The following NAGA variants were observed in gnomAD, a reference collection of about 807,000 sequenced individuals.
NAGA encodes the protein Acetylgalactosaminidase, alpha-N- (alpha-galactosidase B).
Under a neutral mutation model 45.6 loss-of-function variants are expected in NAGA, and 42 were observed. The observed-to-expected ratio is 0.92, with a 90% CI of 0.72 to 1.19. The LOEUF (loss-of-function observed/expected upper bound fraction) is 1.19. NAGA is among the 50% of genes most tolerant of loss of function. The pLI, the probability that NAGA is intolerant of heterozygous loss-of-function variation, is 0.00. For synonymous variants in NAGA, 176 were observed against 203.1 expected (o/e 0.87, Z 1.13); for missense variants, 493 against 544.8 (o/e 0.90, Z 0.95).
chr22:42,060,757 C>T (rs1926324653), intron 8 of NAGA, among the ~76,000 whole-genome samples, 167 bp downstream of exon 8: 1 of 152,200 alleles, frequency 6.6e-6, no homozygotes, highest in East Asian at 1.9e-4. Flanking sequence ...TGGTGCAGAG[C>T]ACGGCACTGG....
At position 42,059,192 on chromosome 22, in the gene NAGA, G is replaced by T. The variant is rs1208790433; in HGVS notation, c.*1087C>A. On this transcript the variant is annotated 3_prime_UTR_variant, in exon 9 of 9. Transcript: ENST00000396398. ...CTCTCTCCAAAGGGGAGAGCCACCAGGGAAGACAAGTGCCCTGTAGCCTTG... is the reference window on the plus strand; with the variant it reads ...CTCTCTCCAAAGGGGAGAGCCACCATGGAAGACAAGTGCCCTGTAGCCTTG... 2.0e-5 allele frequency: 3 copies of T among 152,240 alleles called. No individual in the cohort carries two copies. Among genetic ancestry groups the T allele is most frequent in the African/African-American group, 7.2e-5 (3 of 41,436 alleles). The allele number at this position is 152,240 out of a possible 1,614,324, so 9.4% of individuals were successfully genotyped here.
chr22:42,063,446 C>G (rs1325120238), intron 6 of NAGA, among the ~76,000 whole-genome samples: 3 of 151,950 alleles, frequency 2.0e-5, no homozygotes, highest in African/African-American at 7.3e-5. Flanking sequence ...AGATAAATAG[C>G]CAGACAACCA....
chr22:42,066,930 C>A, intron 4 of NAGA, 126 bp from the exon 5 acceptor site: 1 of 1,371,178 alleles, frequency 7.3e-7, no homozygotes, highest in Non-Finnish European at 1.0e-6. Context: ...CCCCACATAC[C>A]CAGAGCCTCA....
chr22:42,070,445 G>A lies in NAGA; in HGVS notation c.-148C>T. On this transcript the variant is annotated 5_prime_UTR_variant, in exon 1 of 9. Transcript: ENST00000396398. ...TCGGCCGCCCTCAACCTTAGGCGTG[G>A]ATCGTACACTCGGTCCCCAAGTTGC... 1 of 875,126 alleles carries A rather than the reference G, an allele frequency of 1.1e-6. No individual in the cohort carries two copies. The highest frequency in any genetic ancestry group is 2.5e-5 in the East Asian group (1 of 40,496). 54.2% of individuals were successfully genotyped at this position (875,126 alleles called of 1,614,324 possible).
At chr22:42,066,850 C>T (rs762059868) in intron 4 of NAGA, 46 bp from the exon 5 acceptor site, 59 of 1,557,158 alleles carry the variant, frequency 3.8e-5, no homozygotes, top group Non-Finnish European at 5.1e-5. Flanking sequence ...GTGCAGGAGG[C>T]AGTCTGGGGC....
chr22:42,070,271 G>GGT lies in NAGA; in HGVS notation c.16+9_16+10dup. ...CCTACCCTTCCAAGCCACCCCAGCC[G>GGT]GTGTAGGTACCTGTCTTCAGCAGCA... is the stretch of plus-strand genomic sequence containing the variant. On this transcript the variant is annotated intron_variant, in intron 1 of 8. Coordinates refer to ENST00000396398, the MANE Select transcript of NAGA (RefSeq NM_000262.3). 1 of 1,614,186 alleles carries GGT rather than the reference G, an allele frequency of 6.2e-7. No homozygotes were observed.
intron 6 of NAGA, among the ~76,000 whole-genome samples, chr22:42,064,223 C>T (rs184700139): frequency 1.1e-3 from 160 of 151,600 alleles, no homozygotes; most frequent in African/African-American, 3.8e-3. Flanking sequence ...GCCTGTAATC[C>T]CAGCTACTTG....
At chr22:42,066,238 G>C (rs928178486) in intron 5 of NAGA, among the ~76,000 whole-genome samples, 1 of 151,730 alleles carries the variant, frequency 6.6e-6, no homozygotes, top group South Asian at 2.1e-4. Flanking sequence ...AGAAACTGCT[G>C]TCTGCTTTCT....
intron 6 of NAGA, 113 bp downstream of exon 6, chr22:42,065,625 G>C: frequency 3.5e-6 from 5 of 1,412,938 alleles, no homozygotes; most frequent in Non-Finnish European, 4.9e-6. Context: ...CATTTCAGAA[G>C]CGCTGACCTA....
At chr22:42,069,267 T>A (rs954818757) in intron 1 of NAGA, among the ~76,000 whole-genome samples, 1 of 151,956 alleles carries the variant, frequency 6.6e-6, no homozygotes, top group Non-Finnish European at 1.5e-5. Context: ...ATGTCAAAAA[T>A]GTACTTAATA....
intron 1 of NAGA, among the ~76,000 whole-genome samples, chr22:42,070,023 G>C (rs1039516438): frequency 6.6e-6 from 1 of 152,258 alleles, no homozygotes; most frequent in Admixed American, 6.5e-5. Flanking sequence ...TGTAGGGACT[G>C]TACAGGCGGT....
rs1351913352 is a variant in NAGA, at chr22:42,065,759, C to T, written c.738G>A (p.Gly246=). The part of the protein sequence containing the change: ...QDILQPVAGP[G]HWNDPDMLLI... ...GTACCATGTCAGGGTCATTCCAGTG[C>T]CCAGGGCCGGCCACTGGCTGCAGTA... is the stretch of plus-strand genomic sequence containing the variant. The change falls in exon 6 of 9, where the codon GGG becomes GGA. Residue 246 remains glycine (G), a synonymous_variant. Coordinates refer to ENST00000396398, the MANE Select transcript of NAGA (RefSeq NM_000262.3). 3.7e-6 allele frequency: 6 copies of T among 1,614,098 alleles called. No homozygotes were observed. Among genetic ancestry groups the T allele is most frequent in the South Asian group, 3.3e-5 (3 of 91,066 alleles).
chr22:42,064,599 C>T (rs1001681904), intron 6 of NAGA, among the ~76,000 whole-genome samples: 1 of 151,608 alleles, frequency 6.6e-6, no homozygotes, highest in Non-Finnish European at 1.5e-5. Flanking sequence ...AAGCCGAGAT[C>T]GCGCCATTGC....
intron 7 of NAGA, among the ~76,000 whole-genome samples, chr22:42,062,034 T>C (rs1264959256): frequency 6.6e-6 from 1 of 151,866 alleles, no homozygotes; most frequent in Non-Finnish European, 1.5e-5. Flanking sequence ...TGGGATAAAG[T>C]TACTCAGACT....
chr22:42,065,034 T>TA (rs1168235162), intron 6 of NAGA, among the ~76,000 whole-genome samples: 1 of 152,202 alleles, frequency 6.6e-6, no homozygotes, highest in Non-Finnish European at 1.5e-5. Context: ...CTACTATTCT[T>TA]ATTTTCCAAT....
Position 42,066,719 on chromosome 22 carries a change from G to C in NAGA, c.588C>G (p.Leu196=). Residue 196 remains leucine (L), a synonymous_variant, in exon 5 of 9, where the codon CTC becomes CTG. Transcript: ENST00000396398. ...GGGCAGAATGGCTTACCCTTGGGGG[G>C]AGGCCGCCTTCATAGGCTGGCCAGC... ...SCSWPAYEGG[L]PPRVNYSLLA... 6.3e-7 allele frequency: 1 copy of C among 1,599,688 alleles called. No homozygotes were observed.
chr22:42,066,581 TCAC>T, intron 5 of NAGA, 126 bp downstream of exon 5: 2 of 862,986 alleles, frequency 2.3e-6, no homozygotes, highest in Non-Finnish European at 3.6e-6. Context: ...CACCTACAAA[TCAC>T]CATATGGGCA....
In NAGA at chr22:42,062,823, G is replaced by T; in HGVS notation, c.957+4C>A. 1 of 1,613,576 alleles carries T rather than the reference G, an allele frequency of 6.2e-7. No individual in the cohort carries two copies. Among genetic ancestry groups the T allele is most frequent in the South Asian group, 1.1e-5 (1 of 91,068 alleles). On this transcript the variant is annotated splice_donor_region_variant and intron_variant, in intron 7 of 8. Coordinates refer to ENST00000396398, the MANE Select transcript of NAGA (RefSeq NM_000262.3). ...TCCCCTTCCTTCCCTCCACACCCTA[G>T]TACCTTGTGAATCCTGCGTCCCTGG...
intron 6 of NAGA, among the ~76,000 whole-genome samples, chr22:42,064,367 G>T (rs973856292): frequency 6.7e-6 from 1 of 148,642 alleles, no homozygotes; most frequent in Non-Finnish European, 1.5e-5. Flanking sequence ...TAGGCTGGGC[G>T]TGGTGGCTCA....
Sources: gnomAD v4.1 joint callset for allele counts (sites outside exome capture counted in the v4.1 genomes callset) on GRCh38, gnomAD v4.1.1 for gene constraint, MANE v1.5 for transcripts, NCBI Gene and HGNC (gene_info 2026-07-23, HGNC 2026-07-21) for gene names.